SLC37A1: variants seen among roughly 807,000 people sequenced by gnomAD.
SLC37A1 encodes the protein glucose-6-phosphate exchanger SLC37A1.
SLC37A1 carries 49 observed loss-of-function variants against 75.3 expected under a neutral mutation model. The observed-to-expected ratio is 0.65, with a 90% confidence interval of 0.52 to 0.83. SLC37A1 has a LOEUF of 0.83. Ranked by LOEUF, SLC37A1 falls within the 40% of genes least tolerant of loss-of-function variation. The probability of loss-of-function intolerance (pLI) is 0.00; values close to 1 mark genes in which losing one functional copy is unlikely to be tolerated. For missense variants in SLC37A1, 566 were observed against 695.0 expected (o/e 0.81, Z 2.09); for synonymous variants, 268 against 292.1 (o/e 0.92, Z 0.84).
rs368402813 is a variant in SLC37A1, at chr21:42,574,303, TA to T, written c.1424-514del. ...ATTGTGCATTGAATTCAGATTTCCT[TA>T]CGTGTACTCAAGAAAATAATGGGAG... On this transcript the variant is annotated intron_variant, in intron 17 of 19. Transcript: ENST00000352133. Among the ~76,000 whole-genome samples, 26 of 152,344 alleles carry T rather than the reference TA, an allele frequency of 1.7e-4. 1 individual carries two copies. Among genetic ancestry groups the T allele is most frequent in the African/African-American group, 4.8e-4 (20 of 41,576 alleles).
upstream of SLC37A1, among the ~76,000 whole-genome samples, chr21:42,510,305 C>A (rs1421682317): frequency 3.3e-5 from 5 of 152,224 alleles, no homozygotes; most frequent in East Asian, 1.9e-4. Context: ...GGATTACAGG[C>A]GAGAGCCATA....
At chr21:42,544,566 T>C (rs530648905) in intron 8 of SLC37A1, among the ~76,000 whole-genome samples, 8 of 152,290 alleles carry the variant, frequency 5.3e-5, no homozygotes, top group South Asian at 2.1e-4. Flanking sequence ...GACACACCCA[T>C]TGGTGTGAGC....
upstream of SLC37A1, among the ~76,000 whole-genome samples, chr21:42,511,849 G>A (rs2054436148): frequency 6.6e-6 from 1 of 151,952 alleles, no homozygotes; most frequent in African/African-American, 2.4e-5. Flanking sequence ...ACTTATTTTT[G>A]GAATCTGAAA....
Position 42,571,083 on chromosome 21 carries a change from G to A in SLC37A1, c.1423+2645G>A, listed in dbSNP as rs542663574. ...AGTGAATGGTCACCATGGAAACGGC[G>A]CTCAGGCCTACCCACCCCCACCACC... On this transcript the variant is annotated intron_variant, in intron 17 of 19. Coordinates refer to ENST00000352133, the MANE Select transcript of SLC37A1 (RefSeq NM_001320537.2). 6.6e-5 allele frequency among the ~76,000 whole-genome samples: 10 copies of A among 152,304 alleles called. No individual in the cohort carries two copies. The East Asian group carries it at 1.9e-3, about 29-fold the overall frequency.
chr21:42,551,763 C>A (rs1257569931), intron 9 of SLC37A1, among the ~76,000 whole-genome samples: 4 of 152,120 alleles, frequency 2.6e-5, no homozygotes, highest in African/African-American at 9.7e-5. Context: ...ATTTAATGTG[C>A]CTCTTAAGGC....
At chr21:42,516,404 G>T (rs1168910454) in intron 1 of SLC37A1, among the ~76,000 whole-genome samples, 1 of 152,206 alleles carries the variant, frequency 6.6e-6, no homozygotes, top group Non-Finnish European at 1.5e-5. Context: ...CCTCTTCAGG[G>T]TGGTCACGGG....
intron 6 of SLC37A1, among the ~76,000 whole-genome samples, chr21:42,541,197 C>T (rs558088893): frequency 2.0e-5 from 3 of 152,358 alleles, no homozygotes; most frequent in South Asian, 2.1e-4. Context: ...GAGAATCTAA[C>T]GCCCCGCTGA....
intron 5 of SLC37A1, among the ~76,000 whole-genome samples, 161 bp from the exon 6 acceptor site, chr21:42,539,351 T>C (rs888892437): frequency 6.6e-6 from 1 of 152,234 alleles, no homozygotes; most frequent in African/African-American, 2.4e-5. Flanking sequence ...AAGCGCTCCA[T>C]AGGGAAATAA....
intron 8 of SLC37A1, among the ~76,000 whole-genome samples, chr21:42,546,659 G>A (rs572553859): frequency 1.6e-4 from 25 of 152,346 alleles, no homozygotes; most frequent in African/African-American, 5.5e-4. Flanking sequence ...CTGCCAGGCC[G>A]AGTGACTGGG....
At chr21:42,526,715 G>A (rs1222140468) in intron 3 of SLC37A1, among the ~76,000 whole-genome samples, 1 of 152,198 alleles carries the variant, frequency 6.6e-6, no homozygotes, top group Non-Finnish European at 1.5e-5. Context: ...GCTTTCAGGG[G>A]ATGTTAAACA....
intron 3 of SLC37A1, among the ~76,000 whole-genome samples, chr21:42,528,333 A>C (rs540631700): frequency 6.6e-6 from 1 of 152,328 alleles, no homozygotes; most frequent in South Asian, 2.1e-4. Flanking sequence ...GCGTCTGCCC[A>C]AGCTGGTAGA....
In SLC37A1 at chr21:42,579,753, ACAC is replaced by A; in HGVS notation, c.1540_1542del (p.His514del). 1 of 1,614,148 alleles carries A rather than the reference ACAC, an allele frequency of 6.2e-7. No homozygotes were observed. The highest frequency in any genetic ancestry group is 8.5e-7 in the Non-Finnish European group (1 of 1,180,028). ...TGGTGCAGTTCCTGATCCGCCTCAT[ACAC>A]AAGGAGCTGAGCTGCCCAGGGTCAG... is the stretch of plus-strand genomic sequence containing the variant. On this transcript the variant is annotated inframe_deletion, in exon 19 of 20. Transcript: ENST00000352133.
At chr21:42,509,059 C>A (rs938098749), upstream of SLC37A1, among the ~76,000 whole-genome samples, 6 of 152,152 alleles carry the variant, frequency 3.9e-5, no homozygotes, top group Admixed American at 3.9e-4. This position sits in a 1 kb window ranked among gnomAD's most constrained non-coding sequence, Gnocchi z 4.2. Context: ...AAATATCATG[C>A]CAATAGTTTT....
At chr21:42,503,248 CTTTTTTTTTT>C (rs11444113) in intron 2 of SLC37A1, among the ~76,000 whole-genome samples, 1 of 125,766 alleles carries the variant, frequency 8.0e-6, no homozygotes, top group African/African-American at 3.0e-5. Context: ...AATTATACTC[CTTTTTTTTTT>C]TTTTTTTTTG....
At chr21:42,555,487 A>G (rs925583449) in intron 10 of SLC37A1, among the ~76,000 whole-genome samples, 3 of 152,264 alleles carry the variant, frequency 2.0e-5, no homozygotes, top group Non-Finnish European at 2.9e-5. Context: ...AAAAGGGAAG[A>G]ATGATGTCTC....
chr21:42,537,900 T>A (rs2055180079), intron 5 of SLC37A1, among the ~76,000 whole-genome samples: 1 of 152,170 alleles, frequency 6.6e-6, no homozygotes, highest in Admixed American at 6.5e-5. Context: ...GGGTGCTGTT[T>A]TGTTCGCTAT....
At chr21:42,556,292 T>A (rs1414511375) in intron 10 of SLC37A1, among the ~76,000 whole-genome samples, 2 of 152,210 alleles carry the variant, frequency 1.3e-5, no homozygotes, top group African/African-American at 2.4e-5. Flanking sequence ...TCCTTCTGAT[T>A]GGCTGTGGCT....
intron 3 of SLC37A1, among the ~76,000 whole-genome samples, chr21:42,526,673 T>C (rs964588869): frequency 1.3e-5 from 2 of 152,204 alleles, no homozygotes; most frequent in Non-Finnish European, 2.9e-5. Context: ...CTGGCTGTTT[T>C]GTGACGGTCC....
chr21:42,508,943 C>T (rs751666390), upstream of SLC37A1, among the ~76,000 whole-genome samples: 2 of 152,194 alleles, frequency 1.3e-5, no homozygotes, highest in Non-Finnish European at 2.9e-5. Context: ...AGCTCCTCTC[C>T]TCCAATATGT....
Sources: allele counts gnomAD v4.1 joint callset (sites outside exome capture counted in the v4.1 genomes callset), GRCh38; gene constraint gnomAD v4.1.1; non-coding constraint Gnocchi (gnomAD v3.1); transcripts MANE v1.5; gene names NCBI Gene and HGNC (gene_info 2026-07-23, HGNC 2026-07-21).